Variants in DENND2C observed in about 807,000 individuals in gnomAD.
DENND2C encodes DENN domain-containing protein 2C.
In DENND2C, 72 loss-of-function variants were observed where a neutral mutation model predicts 112.4. The ratio of observed to expected loss-of-function variants is 0.64; its 90% CI spans 0.53 to 0.78. The LOEUF is 0.78. DENND2C is among the 30% of genes least tolerant of loss of function. The pLI is 0.00. For synonymous variants in DENND2C, 329 were observed against 381.6 expected (o/e 0.86, Z 1.61); for missense variants, 992 against 1,113.8 (o/e 0.89, Z 1.56).
At chr1:114,618,302 A>T (rs1253770665) in intron 8 of DENND2C, 84 bp downstream of exon 8, 5 of 1,029,404 alleles carry the variant, frequency 4.9e-6, no homozygotes, top group Non-Finnish European at 6.8e-6. Flanking sequence ...AATTTTTAAT[A>T]CACATCAAAC....
chr1:114,594,205 G>C (rs1363448899), intron 18 of DENND2C, among the ~76,000 whole-genome samples: 2 of 152,184 alleles, frequency 1.3e-5, no homozygotes, highest in Non-Finnish European at 2.9e-5. Context: ...AAGATGATGT[G>C]AGCATGGACC....
At chr1:114,642,451 A>G (rs919852346) in intron 3 of DENND2C, among the ~76,000 whole-genome samples, 1 of 152,276 alleles carries the variant, frequency 6.6e-6, no homozygotes, top group Non-Finnish European at 1.5e-5. Context: ...TGTTCGAGTT[A>G]GAATTCAAAC....
At chr1:114,648,291 A>G (rs1381085773) in intron 2 of DENND2C, among the ~76,000 whole-genome samples, 1 of 152,240 alleles carries the variant, frequency 6.6e-6, no homozygotes, top group African/African-American at 2.4e-5. Flanking sequence ...ACTACTTGTT[A>G]GTTGGTAGAC....
chr1:114,664,286 TG>T (rs937922333), intron 1 of DENND2C, among the ~76,000 whole-genome samples: 2 of 151,920 alleles, frequency 1.3e-5, no homozygotes, highest in Non-Finnish European at 1.5e-5. Context: ...GATCCAGTGA[TG>T]GGATAGGAAT....
intron 2 of DENND2C, among the ~76,000 whole-genome samples, chr1:114,651,420 C>A (rs1657162839): frequency 6.6e-6 from 1 of 152,040 alleles, no homozygotes; most frequent in African/African-American, 2.4e-5. Flanking sequence ...CCACTGCACT[C>A]CAGCCTGGGC....
At chr1:114,649,803 A>C (rs1481203076) in intron 2 of DENND2C, among the ~76,000 whole-genome samples, 1 of 152,200 alleles carries the variant, frequency 6.6e-6, no homozygotes, top group East Asian at 1.9e-4. Context: ...AGCTAAAAAG[A>C]AGCAATAAAA....
intron 2 of DENND2C, among the ~76,000 whole-genome samples, chr1:114,647,731 A>C (rs549370163): frequency 6.6e-6 from 1 of 151,434 alleles, no homozygotes; most frequent in South Asian, 2.1e-4. Context: ...TGTATAGCAT[A>C]TATTTTAAAT....
At chr1:114,657,745 A>G (rs1419093787) in intron 1 of DENND2C, among the ~76,000 whole-genome samples, 1 of 152,242 alleles carries the variant, frequency 6.6e-6, no homozygotes, top group African/African-American at 2.4e-5. Flanking sequence ...AGTTTATCCA[A>G]ATAGACGAAT....
intron 1 of DENND2C, among the ~76,000 whole-genome samples, chr1:114,661,184 A>G (rs1298168983): frequency 6.6e-6 from 1 of 152,100 alleles, no homozygotes; most frequent in African/African-American, 2.4e-5. Flanking sequence ...AACTTACAAT[A>G]TCAGCGACCC....
At chr1:114,598,536 A>G (rs960129316) in intron 16 of DENND2C, among the ~76,000 whole-genome samples, 1 of 151,576 alleles carries the variant, frequency 6.6e-6, no homozygotes, top group Non-Finnish European at 1.5e-5. Flanking sequence ...TGGGGATGGA[A>G]ACAGAAAGAG....
chr1:114,621,567 A>C (rs1396000902), intron 7 of DENND2C, among the ~76,000 whole-genome samples: 2 of 152,232 alleles, frequency 1.3e-5, no homozygotes, highest in Non-Finnish European at 2.9e-5. Flanking sequence ...GAATTAGAAC[A>C]ACACTGAAGC....
At position 114,655,883 on chromosome 1, in the gene DENND2C, A is replaced by ATATATAT. The variant is rs1557960847; in HGVS notation, c.-573-1123_-573-1122insATATATA. 1.8e-3 allele frequency among the ~76,000 whole-genome samples: 221 copies of ATATATAT among 125,866 alleles called. 2 individuals carry two copies. Among genetic ancestry groups the ATATATAT allele is most frequent in the South Asian group, 8.9e-3 (36 of 4,026 alleles). The allele number at this position is 125,866 out of a possible 152,430, so 82.6% of individuals were successfully genotyped here. ...AAGAACTTTTATATATATATGTATA[A>ATATATAT]ATATATATATATATATAATATGTAT... On this transcript the variant is annotated intron_variant, in intron 1 of 20. Transcript: ENST00000393274.
intron 2 of DENND2C, among the ~76,000 whole-genome samples, chr1:114,654,288 C>T (rs1423860593): frequency 2.6e-5 from 4 of 151,920 alleles, no homozygotes; most frequent in Non-Finnish European, 4.4e-5. Flanking sequence ...AATAATTAGC[C>T]GGGCGTGGTG....
At chr1:114,666,599 G>A (rs1008814298) in intron 1 of DENND2C, among the ~76,000 whole-genome samples, 3 of 152,092 alleles carry the variant, frequency 2.0e-5, no homozygotes, top group African/African-American at 7.2e-5. Context: ...GGGATTACAG[G>A]CACACGCCAC....
In DENND2C at chr1:114,634,894, G is replaced by A. The variant is rs147609155; in HGVS notation, c.-204-8706C>T. Among the ~76,000 whole-genome samples, 63 of 151,974 alleles carry A rather than the reference G, an allele frequency of 4.1e-4. No individual in the cohort carries two copies. In the East Asian group the frequency reaches 4.3e-3, roughly 10 times the overall value. On this transcript the variant is annotated intron_variant, in intron 3 of 20. Transcript: ENST00000393274. ...AATACAAAAATTAGCCAGGCGAGGTGTCATGCACCTGTAATCCCAGCTACT... is the reference window on the plus strand; with the variant it reads ...AATACAAAAATTAGCCAGGCGAGGTATCATGCACCTGTAATCCCAGCTACT...
chr1:114,621,274 A>C (rs1656157192), intron 7 of DENND2C, among the ~76,000 whole-genome samples: 1 of 152,144 alleles, frequency 6.6e-6, no homozygotes, highest in Non-Finnish European at 1.5e-5. Flanking sequence ...TAAGTAAATA[A>C]ATAAGAAAAA....
Position 114,625,750 on chromosome 1 carries a change from C to T in DENND2C, c.235G>A (p.Val79Met). 2 of 1,614,154 alleles carry T rather than the reference C, an allele frequency of 1.2e-6. No homozygotes were observed. The highest frequency in any genetic ancestry group is 1.7e-4 in the Middle Eastern group (1 of 6,060). ...GTATTTTCATTTATATCTAGACCCA[C>T]ATTTTCACGGCTGGTTACATCCAAG... The part of the protein sequence containing the change: ...KNLDVTSREN[V>M]GLDINENTKS... The change falls in exon 4 of 21, where the codon GTG becomes ATG. Residue 79 changes from valine (V) to methionine (M), a missense_variant. This residue lies in a region of DENND2C where 470 missense variants were observed against 472.7 expected (regional missense o/e 0.99). Coordinates refer to ENST00000393274, the MANE Select transcript of DENND2C (RefSeq NM_001256404.2).
At chr1:114,593,727 T>C (rs1655260432) in intron 18 of DENND2C, among the ~76,000 whole-genome samples, 2 of 151,918 alleles carry the variant, frequency 1.3e-5, no homozygotes, top group Admixed American at 1.3e-4. Flanking sequence ...GAGCTATAAT[T>C]GCACCATTGC....
At chr1:114,601,055 A>G in intron 13 of DENND2C, 95 bp from the exon 14 acceptor site, 1 of 1,296,976 alleles carries the variant, frequency 7.7e-7, no homozygotes, top group South Asian at 1.7e-5. Flanking sequence ...ACAAACTTTA[A>G]AATAACCCAA....
Sources: allele counts gnomAD v4.1 joint callset (sites outside exome capture counted in the v4.1 genomes callset), GRCh38; gene constraint gnomAD v4.1.1; regional missense constraint gnomAD v4.1.1; transcripts MANE v1.5; gene names NCBI Gene and HGNC (gene_info 2026-07-23, HGNC 2026-07-21).